Variants in DMTF1 observed in about 807,000 individuals in gnomAD.
The protein encoded by DMTF1 is cyclin D binding myb like transcription factor 1.
Under a neutral mutation model 91.1 loss-of-function variants are expected in DMTF1, and 39 were observed. That is an observed-to-expected ratio of 0.43 (90% CI 0.33 to 0.56). The LOEUF (loss-of-function observed/expected upper bound fraction) is 0.56, where lower values mean the gene tolerates loss of function less well. DMTF1 is among the 20% of genes least tolerant of loss of function. DMTF1 has a pLI of 0.05. For synonymous variants in DMTF1, 338 were observed against 309.5 expected, an observed-to-expected ratio of 1.09 and a Z score of -0.97; for missense variants, 750 against 914.5, an observed-to-expected ratio of 0.82 and a Z score of 2.32.
chr7:87,161,454 A>G (rs999454690), intron 1 of DMTF1, among the ~76,000 whole-genome samples: 3 of 152,186 alleles, frequency 2.0e-5, no homozygotes, highest in Non-Finnish European at 2.9e-5. Flanking sequence ...GTGAGCCAAG[A>G]TCGTGCCACT....
At chr7:87,166,443 T>G in intron 3 of DMTF1, 40 bp from the exon 4 acceptor site, 3 of 1,583,038 alleles carry the variant, frequency 1.9e-6, no homozygotes, top group Non-Finnish European at 2.6e-6. Context: ...ATTTTCCCTC[T>G]TTGGTTTGAA....
chr7:87,190,436 C>T (rs930000949), intron 13 of DMTF1, among the ~76,000 whole-genome samples: 9 of 152,028 alleles, frequency 5.9e-5, no homozygotes, highest in Admixed American at 3.3e-4. Context: ...CCCATATATA[C>T]AAGAAAACTA....
chr7:87,171,550 A>G (rs549706038), intron 5 of DMTF1, among the ~76,000 whole-genome samples: 2 of 152,298 alleles, frequency 1.3e-5, no homozygotes, highest in East Asian at 1.9e-4. Context: ...TTGAAAAACA[A>G]TTAGAAACTA....
At chr7:87,179,082 C>T (rs1562823664) in intron 7 of DMTF1, among the ~76,000 whole-genome samples, 1 of 151,748 alleles carries the variant, frequency 6.6e-6, no homozygotes, top group Non-Finnish European at 1.5e-5. Flanking sequence ...TCTATTTAGG[C>T]CTCATTTTTC....
chr7:87,163,724 A>G (rs1180166980), intron 2 of DMTF1, 107 bp downstream of exon 2: 2 of 152,244 alleles, frequency 1.3e-5, no homozygotes, highest in Non-Finnish European at 2.9e-5. Flanking sequence ...TTACTATTGT[A>G]AAATGAATGA....
Position 87,161,288 on chromosome 7 carries a change from A to G in DMTF1, c.-131-2207A>G, listed in dbSNP as rs1792318801. 2.0e-5 allele frequency among the ~76,000 whole-genome samples: 3 copies of G among 152,240 alleles called. No homozygotes were observed. The South Asian group carries it at 6.2e-4, about 31-fold the overall frequency. On this transcript the variant is annotated intron_variant, in intron 1 of 17. Coordinates refer to ENST00000331242, the MANE Select transcript of DMTF1 (RefSeq NM_001142327.2). ...CGAGGCAAGTGGATCACCTGAGGTC[A>G]GGAGTTCGAGACCAGCCTGGTCAAC...
Position 87,194,837 on chromosome 7 carries a change from A to G in DMTF1, c.2173+9A>G. The G allele has an allele frequency of 6.3e-7, 1 of 1,597,306 alleles. No homozygotes were observed. Among genetic ancestry groups the G allele is most frequent in the Non-Finnish European group, 8.5e-7 (1 of 1,172,532 alleles). On this transcript the variant is annotated intron_variant, in intron 17 of 17. Transcript: ENST00000331242. ...TTTGACAACACTAACAGGTACTGTAATATAATACTTACTATGTGCCTGATA... is the reference window on the plus strand; with the variant it reads ...TTTGACAACACTAACAGGTACTGTAGTATAATACTTACTATGTGCCTGATA...
intron 14 of DMTF1, chr7:87,192,523 G>A (rs1403791177): frequency 6.6e-6 from 1 of 152,056 alleles, no homozygotes; most frequent in African/African-American, 2.4e-5. Context: ...AAGTACACAA[G>A]ACTGAAAAAC....
At chr7:87,177,882 G>C (rs1796567372) in intron 7 of DMTF1, among the ~76,000 whole-genome samples, 1 of 151,926 alleles carries the variant, frequency 6.6e-6, no homozygotes, top group African/African-American at 2.4e-5. Context: ...TCTGTTTGTT[G>C]ATACTTGCAC....
At chr7:87,194,988 GAATA>G in intron 17 of DMTF1, 39 bp from the exon 18 acceptor site, 4 of 1,529,804 alleles carry the variant, frequency 2.6e-6, no homozygotes, top group Non-Finnish European at 3.6e-6. Context: ...ATGGATTAGA[GAATA>G]AATATATACA....
intron 4 of DMTF1, among the ~76,000 whole-genome samples, chr7:87,167,769 T>G (rs1794165755): frequency 6.6e-6 from 1 of 152,184 alleles, no homozygotes; most frequent in African/African-American, 2.4e-5. Context: ...GATTCCTATG[T>G]TTTTTTAAAA....
At chr7:87,174,285 C>T (rs952340323) in intron 6 of DMTF1, among the ~76,000 whole-genome samples, 3 of 152,008 alleles carry the variant, frequency 2.0e-5, no homozygotes, top group Admixed American at 2.0e-4. Flanking sequence ...GCATGTTTGG[C>T]TTTTTTTATT....
At chr7:87,186,167 T>G in intron 12 of DMTF1, 187 bp downstream of exon 12, 2 of 573,658 alleles carry the variant, frequency 3.5e-6, no homozygotes, top group Non-Finnish European at 6.0e-6. Flanking sequence ...TTGTAATTCC[T>G]AAAGCCCCTA....
rs1413802148 is a variant in DMTF1, at chr7:87,196,318, T to C, written c.*1178T>C. ...AGTTTAACAGAAATAAAAGAATATTTGTCTTAAGATGCAAGATTTGTTTTT... is the reference window on the plus strand; with the variant it reads ...AGTTTAACAGAAATAAAAGAATATTCGTCTTAAGATGCAAGATTTGTTTTT... On this transcript the variant is annotated 3_prime_UTR_variant, in exon 18 of 18. Transcript: ENST00000331242. 1.9e-5 allele frequency: 4 copies of C among 206,338 alleles called. No homozygotes were observed. Among genetic ancestry groups the C allele is most frequent in the African/African-American group, 9.3e-5 (4 of 43,004 alleles). The allele number at this position is 206,338 out of a possible 1,614,324, so 12.8% of individuals were successfully genotyped here.
chr7:87,158,189 T>G (rs1323679886), intron 1 of DMTF1, among the ~76,000 whole-genome samples: 1 of 152,056 alleles, frequency 6.6e-6, no homozygotes, highest in Non-Finnish European at 1.5e-5. Context: ...ATGAAATGAC[T>G]TATCCCAAGT....
intron 3 of DMTF1, among the ~76,000 whole-genome samples, chr7:87,165,273 T>C (rs1295118210): frequency 1.1e-5 from 1 of 87,936 alleles, no homozygotes; most frequent in Non-Finnish European, 2.9e-5. Flanking sequence ...GGAATAACTA[T>C]AATATATACT....
intron 2 of DMTF1, 68 bp from the exon 3 acceptor site, chr7:87,164,866 T>A (rs1207737155): frequency 4.7e-6 from 4 of 856,158 alleles, no homozygotes; most frequent in Non-Finnish European, 7.2e-6. Flanking sequence ...TTTCAGGGGA[T>A]TATAAGGGAA....
intron 1 of DMTF1, among the ~76,000 whole-genome samples, chr7:87,156,908 A>C (rs1019704320): frequency 6.6e-6 from 1 of 152,172 alleles, no homozygotes; most frequent in African/African-American, 2.4e-5. Context: ...AGTAATAGGT[A>C]CGAATTAGAT....
chr7:87,186,377 C>G (rs189822980), intron 12 of DMTF1: 32 of 168,712 alleles, frequency 1.9e-4, no homozygotes, highest in Non-Finnish European at 3.3e-4. Flanking sequence ...ACCTCAGCCT[C>G]CTGAATAGCT....
Sources: allele counts gnomAD v4.1 joint callset (sites outside exome capture counted in the v4.1 genomes callset), GRCh38; gene constraint gnomAD v4.1.1; transcripts MANE v1.5; gene names NCBI Gene and HGNC (gene_info 2026-07-23, HGNC 2026-07-21).